SLC3A1: variants seen among roughly 807,000 people sequenced by gnomAD.
SLC3A1 encodes the protein amino acid transporter heavy chain SLC3A1.
A neutral mutation model predicts 60.3 loss-of-function variants in SLC3A1; 78 were observed. The ratio of observed to expected loss-of-function variants is 1.29; its 90% CI spans 1.08 to 1.56. SLC3A1 has a LOEUF of 1.56. Among genes scored for constraint, SLC3A1 ranks in the 40% most tolerant of loss-of-function variants. The probability of loss-of-function intolerance (pLI) is 0.00; values close to 1 mark genes in which losing one functional copy is unlikely to be tolerated. For synonymous variants in SLC3A1, 392 were observed against 307.9 expected (o/e 1.27, Z -2.86); for missense variants, 1,172 against 858.9 (o/e 1.36, Z -4.56).
chr2:44,309,940 G>T (rs1672252663), intron 7 of SLC3A1, among the ~76,000 whole-genome samples: 1 of 151,474 alleles, frequency 6.6e-6, no homozygotes, highest in African/African-American at 2.4e-5. Flanking sequence ...CACCTAGGCT[G>T]GAGCACTGTG....
Position 44,321,447 on chromosome 2 carries a change from TA to T in SLC3A1, c.*812del. The T allele has an allele frequency of 6.2e-7, 1 of 1,611,136 alleles. No homozygotes were observed. Among genetic ancestry groups the T allele is most frequent in the South Asian group, 1.1e-5 (1 of 90,882 alleles). ...CAGGAATTTAATTTGGGCTGTAATCTAAAAGAAACACATTAAAAAAATTAAA... is the reference window on the plus strand; with the variant it reads ...CAGGAATTTAATTTGGGCTGTAATCTAAAGAAACACATTAAAAAAATTAAA... On this transcript the variant is annotated 3_prime_UTR_variant, in exon 10 of 10. Transcript: ENST00000260649.
intron 9 of SLC3A1, chr2:44,317,904 G>A: frequency 4.4e-6 from 1 of 228,858 alleles, no homozygotes; most frequent in South Asian, 4.3e-5. Context: ...AACAAAAACA[G>A]ACATAAGAAA....
At chr2:44,317,900 AAC>A (rs1391030317) in intron 9 of SLC3A1, 12 of 226,408 alleles carry the variant, frequency 5.3e-5, no homozygotes, top group Non-Finnish European at 9.0e-5. Flanking sequence ...AGATAACAAA[AAC>A]AGACATAAGA....
intron 2 of SLC3A1, 84 bp downstream of exon 2, chr2:44,280,979 C>T: frequency 8.5e-7 from 1 of 1,175,104 alleles, no homozygotes; most frequent in East Asian, 2.3e-5. Flanking sequence ...CATTTCTTCT[C>T]CTTAACTGTC....
intron 4 of SLC3A1, among the ~76,000 whole-genome samples, chr2:44,298,437 G>T (rs1162608229): frequency 6.6e-6 from 1 of 152,094 alleles, no homozygotes; most frequent in African/African-American, 2.4e-5. Context: ...GGAGTGCAGT[G>T]GCATGATCTT....
rs141072151 is a variant in SLC3A1 at position 44,320,958 on chromosome 2, G to T, written c.*319G>T. The T allele has an allele frequency of 3.7e-3, 1,506 of 406,484 alleles. 23 individuals are homozygous for T. Among genetic ancestry groups the T allele is most frequent in the African/African-American group, 0.028 (1,368 of 49,246 alleles). The allele number at this position is 406,484 out of a possible 1,614,324, so 25.2% of individuals were successfully genotyped here. A position where few individuals can be genotyped will look rare whatever the true frequency, so the allele number is the denominator to read the frequency against. On this transcript the variant is annotated 3_prime_UTR_variant, in exon 10 of 10. Transcript: ENST00000260649. ...AGAATTTTATCTTTTCCCTTAAAAT[G>T]CAGTCATAGAAATTAGAGGATGACT... is the stretch of plus-strand genomic sequence containing the variant.
chr2:44,304,274 GC>G lies in SLC3A1; in HGVS notation c.1269del (p.Ser423ArgfsTer22). The G allele has an allele frequency of 6.2e-7, 1 of 1,614,160 alleles. No homozygotes were observed. Among genetic ancestry groups the G allele is most frequent in the Non-Finnish European group, 8.5e-7 (1 of 1,179,996 alleles). ...ATGCTAGACACTGTTTCTGGGAACAGCGTGTATGAGGTTATCACATCCTGGA... is the reference window on the plus strand; with the variant it reads ...ATGCTAGACACTGTTTCTGGGAACAGGTGTATGAGGTTATCACATCCTGGA... ...LSMLDTVSGN[S>X]VYEVITSWME... On this transcript the variant is annotated frameshift_variant, in exon 7 of 10. Coordinates refer to ENST00000260649, the MANE Select transcript of SLC3A1 (RefSeq NM_000341.4). LOFTEE classifies it high-confidence loss of function.
intron 4 of SLC3A1, among the ~76,000 whole-genome samples, chr2:44,298,829 G>T (rs563994068): frequency 3.9e-4 from 59 of 152,220 alleles, no homozygotes; most frequent in African/African-American, 1.3e-3. Context: ...CTCTAGCAAG[G>T]TGTGTTGGAA....
At chr2:44,284,855 A>G (rs1478447787) in intron 3 of SLC3A1, among the ~76,000 whole-genome samples, 2 of 152,194 alleles carry the variant, frequency 1.3e-5, no homozygotes, top group South Asian at 2.1e-4. Flanking sequence ...ATGAGCTACC[A>G]TGCCCAGCCC....
chr2:44,303,181 ATAAGAG>A (rs138364519), intron 6 of SLC3A1, among the ~76,000 whole-genome samples: 14,505 of 151,636 alleles, frequency 0.096, 744 homozygotes, highest in Non-Finnish European at 0.11. Flanking sequence ...AGCCTGGGCA[ATAAGAG>A]TAAAACTCTG....
intron 6 of SLC3A1, among the ~76,000 whole-genome samples, chr2:44,302,960 A>T (rs1468531715): frequency 6.6e-6 from 1 of 152,104 alleles, no homozygotes; most frequent in African/African-American, 2.4e-5. Flanking sequence ...ATAGTTTGGG[A>T]GGCCAAGGCA....
In SLC3A1 at chr2:44,277,609, T is replaced by TC. The variant is rs577987351; in HGVS notation, c.430+1648dup. Among the ~76,000 whole-genome samples the TC allele has an allele frequency of 2.2e-3, 328 of 152,254 alleles. 2 individuals carry two copies. The highest frequency in any genetic ancestry group is 7.6e-3 in the African/African-American group (315 of 41,546). Reference sequence around the variant, plus strand: ...TAATCCTGCCTTGAGTGACTCCCTTTCCCCTGACTCATGACCTATGACCTG... The same window carrying TC: ...TAATCCTGCCTTGAGTGACTCCCTTTCCCCCTGACTCATGACCTATGACCTG... On this transcript the variant is annotated intron_variant, in intron 1 of 9. Coordinates refer to ENST00000260649, the MANE Select transcript of SLC3A1 (RefSeq NM_000341.4).
rs1254925476 is a variant in SLC3A1 at position 44,313,951 on chromosome 2, T to C, written c.1617T>C (p.Asp539=). The change falls in exon 9 of 10, where the codon GAT becomes GAC. Residue 539 remains aspartate (D), a splice_region_variant and synonymous_variant. Coordinates refer to ENST00000260649, the MANE Select transcript of SLC3A1 (RefSeq NM_000341.4). ...CAGATTACCACACTGTGAATGTTGATGTAAGTATCAGTGAAAATTTTATGT... is the reference window on the plus strand; with the variant it reads ...CAGATTACCACACTGTGAATGTTGACGTAAGTATCAGTGAAAATTTTATGT... ...TNSDYHTVNV[D]VQKTQPRSAL... 2 of 1,614,096 alleles carry C rather than the reference T, an allele frequency of 1.2e-6. No individual in the cohort carries two copies. The highest frequency in any genetic ancestry group is 2.2e-5 in the East Asian group (1 of 44,860).
At chr2:44,309,206 A>G (rs1329060545) in intron 7 of SLC3A1, among the ~76,000 whole-genome samples, 2 of 152,176 alleles carry the variant, frequency 1.3e-5, no homozygotes, top group East Asian at 3.9e-4. Flanking sequence ...CCACTAAACA[A>G]TAATTCCTCA....
chr2:44,311,766 A>G (rs1015595783), intron 7 of SLC3A1, among the ~76,000 whole-genome samples: 1 of 151,988 alleles, frequency 6.6e-6, no homozygotes. Flanking sequence ...AATTGTAGCA[A>G]TTAAGTCTTG....
intron 2 of SLC3A1, among the ~76,000 whole-genome samples, 173 bp from the exon 3 acceptor site, chr2:44,281,214 A>G: frequency 7.9e-6 from 1 of 126,094 alleles, no homozygotes; most frequent in Admixed American, 9.8e-5. Context: ...GCTGGAGTGC[A>G]GTGGTGCAAT....
intron 9 of SLC3A1, among the ~76,000 whole-genome samples, chr2:44,316,894 C>A (rs1248856970): frequency 6.6e-6 from 1 of 152,088 alleles, no homozygotes; most frequent in Non-Finnish European, 1.5e-5. Flanking sequence ...CATAACAATT[C>A]TAAGAGATAC....
intron 1 of SLC3A1, among the ~76,000 whole-genome samples, chr2:44,276,834 A>G (rs1176807765): frequency 6.6e-6 from 1 of 152,262 alleles, no homozygotes; most frequent in Non-Finnish European, 1.5e-5. Flanking sequence ...GCCAGATGGC[A>G]GGCATACACT....
At chr2:44,297,033 G>T (rs1351132157) in intron 4 of SLC3A1, among the ~76,000 whole-genome samples, 2 of 152,176 alleles carry the variant, frequency 1.3e-5, no homozygotes, top group Admixed American at 1.3e-4. Flanking sequence ...CCCAGTCTTA[G>T]ATATGTCTCT....
Sources: gnomAD v4.1 joint callset for allele counts (sites outside exome capture counted in the v4.1 genomes callset) on GRCh38, gnomAD v4.1.1 for gene constraint, MANE v1.5 for transcripts, NCBI Gene and HGNC (gene_info 2026-07-23, HGNC 2026-07-21) for gene names.